Variants in DNAH17 observed in about 807,000 individuals in gnomAD.
The protein encoded by DNAH17 is dynein axonemal heavy chain 17.
DNAH17 carries 376 observed loss-of-function variants against 485.6 expected under a neutral mutation model. The observed-to-expected ratio is 0.77, with a 90% CI of 0.71 to 0.84. DNAH17 has a LOEUF of 0.84. Among genes scored for constraint, DNAH17 ranks in the 40% least tolerant of loss-of-function variants. DNAH17 has a pLI of 0.00. For synonymous variants in DNAH17, 3,031 were observed against 2,405.9 expected (o/e 1.26, Z -7.60); for missense variants, 6,370 against 5,839.3 (o/e 1.09, Z -2.96).
chr17:78,436,410 A>G (rs925243904), intron 74 of DNAH17, among the ~76,000 whole-genome samples: 2 of 152,114 alleles, frequency 1.3e-5, no homozygotes, highest in East Asian at 1.9e-4. Context: ...CCTGGGCAAT[A>G]AGAGCGAAAC....
At chr17:78,467,191 A>G (rs1170211844) in intron 55 of DNAH17, among the ~76,000 whole-genome samples, 1 of 152,218 alleles carries the variant, frequency 6.6e-6, no homozygotes, top group African/African-American at 2.4e-5. Context: ...CCTGAGGGAT[A>G]GTGGCTAATT....
intron 51 of DNAH17, among the ~76,000 whole-genome samples, chr17:78,478,563 T>C (rs959137651): frequency 3.3e-5 from 5 of 150,056 alleles, no homozygotes. Context: ...ATCACCATCA[T>C]CATGACCATC....
chr17:78,491,531 G>A lies in DNAH17; in HGVS notation c.6581C>T (p.Thr2194Ile), dbSNP rs2089855925. The A allele has an allele frequency of 6.2e-7, 1 of 1,613,914 alleles. No individual in the cohort carries two copies. Among genetic ancestry groups the A allele is most frequent in the African/African-American group, 1.3e-5 (1 of 74,930 alleles). Residue 2194 changes from threonine (T) to isoleucine (I), a missense_variant, in exon 43 of 81, where the codon ACC becomes ATC. By Grantham distance (89) the Thr-to-Ile change is moderately conservative. Coordinates refer to ENST00000389840, the MANE Select transcript of DNAH17 (RefSeq NM_173628.4). ...GATGATCCACTTGGGGCCGTCATGG[G>A]TGATGTTGGCCAGGTCTCGCATGAT... is the stretch of plus-strand genomic sequence containing the variant. ...STIMRDLANITHDGPKWIILD... is the reference protein window; with the variant it reads ...STIMRDLANIIHDGPKWIILD...
At chr17:78,464,126 A>C (rs552786244) in intron 56 of DNAH17, among the ~76,000 whole-genome samples, 83 of 152,336 alleles carry the variant, frequency 5.4e-4, no homozygotes, top group African/African-American at 2.0e-3. Context: ...AAGAAACAAG[A>C]GATGGTAATA....
At chr17:78,494,451 G>C (rs1322176600) in intron 40 of DNAH17, 142 bp downstream of exon 40, 2 of 1,027,450 alleles carry the variant, frequency 1.9e-6, no homozygotes, top group African/African-American at 3.2e-5. Flanking sequence ...GGGCCACGGA[G>C]GCAGCTGTGG....
intron 25 of DNAH17, among the ~76,000 whole-genome samples, chr17:78,523,283 C>T (rs2090980273): frequency 6.6e-6 from 1 of 151,744 alleles, no homozygotes; most frequent in Non-Finnish European, 1.5e-5. Flanking sequence ...GCCACCATGC[C>T]CAACTAATTT....
chr17:78,531,009 C>A (rs556925307), intron 20 of DNAH17, among the ~76,000 whole-genome samples: 1 of 152,320 alleles, frequency 6.6e-6, no homozygotes, highest in Non-Finnish European at 1.5e-5. Context: ...TTATTTTATG[C>A]ATTCTTTCTG....
chr17:78,506,216 C>T lies in DNAH17; in HGVS notation c.4803+504G>A, dbSNP rs549346639. ...AGTGCAGTGGTGCGATCTTGGCTCA[C>T]GGCAACCCTCTGCCTCTCGGGTTCA... On this transcript the variant is annotated intron_variant, in intron 30 of 80. Transcript: ENST00000389840. Among the ~76,000 whole-genome samples, 213 of 146,664 alleles carry T rather than the reference C, an allele frequency of 1.5e-3. 1 individual carries two copies. The highest frequency in any genetic ancestry group is 5.0e-3 in the African/African-American group (199 of 39,618).
intron 41 of DNAH17, among the ~76,000 whole-genome samples, chr17:78,493,629 T>A (rs917828215): frequency 2.6e-5 from 4 of 152,218 alleles, no homozygotes; most frequent in African/African-American, 4.8e-5. Context: ...GGCCGGACAC[T>A]TGGCTGGCAT....
At chr17:78,469,709 T>C (rs1399132183) in intron 54 of DNAH17, among the ~76,000 whole-genome samples, 1 of 152,160 alleles carries the variant, frequency 6.6e-6, no homozygotes, top group Non-Finnish European at 1.5e-5. Context: ...TAAAACGTGG[T>C]CCATCTGTGC....
At chr17:78,463,322 A>G (rs1398510844) in intron 56 of DNAH17, among the ~76,000 whole-genome samples, 1 of 152,252 alleles carries the variant, frequency 6.6e-6, no homozygotes, top group Non-Finnish European at 1.5e-5. Flanking sequence ...TATCTCTGAC[A>G]CACAGACGCA....
In DNAH17 at chr17:78,424,071, G is replaced by C. The variant is rs1394006521; in HGVS notation, c.13224C>G (p.Ile4408Met). Residue 4408 changes from isoleucine (I) to methionine (M), a missense_variant, in exon 81 of 81, where the codon ATC becomes ATG. Physicochemically the swap from Ile to Met is conservative, Grantham distance 10. Coordinates refer to ENST00000389840, the MANE Select transcript of DNAH17 (RefSeq NM_173628.4). ...CCATGCGGTCCACAGGAATGGCCTT[G>C]ATGAAGATGACAGGCATGGCCGGGG... ...ELTPAMPVIFIKAIPVDRMET... is the reference protein window; with the variant it reads ...ELTPAMPVIFMKAIPVDRMET... 1.5e-5 allele frequency: 25 copies of C among 1,613,910 alleles called. No individual in the cohort carries two copies. Among genetic ancestry groups the C allele is most frequent in the Non-Finnish European group, 2.0e-5 (24 of 1,179,894 alleles).
At position 78,571,663 on chromosome 17, in the gene DNAH17, A is replaced by G; in HGVS notation, c.659T>C (p.Leu220Pro). ...KDSAQALLDGLHPLPQVEFEF... is the reference protein window; with the variant it reads ...KDSAQALLDGPHPLPQVEFEF... Reference sequence around the variant, plus strand: ...GAACTCCACTTGGGGCAGGGGGTGCAGCCCATCCAGCAGCGCCTGGGCTGA... The same window carrying G: ...GAACTCCACTTGGGGCAGGGGGTGCGGCCCATCCAGCAGCGCCTGGGCTGA... Residue 220 changes from leucine (L) to proline (P), a missense_variant, in exon 4 of 81, where the codon CTG (leucine) becomes CCG (proline). Transcript: ENST00000389840. 6.2e-7 allele frequency: 1 copy of G among 1,614,046 alleles called. No homozygotes were observed. Among genetic ancestry groups the G allele is most frequent in the South Asian group, 1.1e-5 (1 of 91,090 alleles).
chr17:78,527,599 C>T (rs1179232758), intron 22 of DNAH17, among the ~76,000 whole-genome samples: 1 of 152,030 alleles, frequency 6.6e-6, no homozygotes, highest in Non-Finnish European at 1.5e-5. Context: ...ATGGATTGTC[C>T]ATTACAACAG....
chr17:78,490,739 C>T lies in DNAH17; in HGVS notation c.6778G>A (p.Gly2260Ser), dbSNP rs749863384. The T allele has an allele frequency of 5.6e-6, 9 of 1,607,194 alleles. No homozygotes were observed. The highest frequency in any genetic ancestry group is 7.6e-6 in the Non-Finnish European group (9 of 1,177,006). ...TCGGCTGGGTTGATGTAGAGGATGC[C>T]GGCTCTGGAAACGGTGGCTGGGGTG... ...TATPATVSRAGILYINPADLG... is the reference protein window; with the variant it reads ...TATPATVSRASILYINPADLG... Residue 2260 changes from glycine to serine, a missense_variant, in exon 44 of 81, where the codon GGC becomes AGC. By Grantham distance (56) the Gly-to-Ser change is moderately conservative. Transcript: ENST00000389840.
At chr17:78,542,122 C>CG (rs2091609738) in intron 17 of DNAH17, among the ~76,000 whole-genome samples, 1 of 149,846 alleles carries the variant, frequency 6.7e-6, no homozygotes, top group Admixed American at 6.7e-5. Flanking sequence ...AAACCGCCCC[C>CG]CCCAAAAACT....
chr17:78,485,370 G>A (rs1020498454), intron 47 of DNAH17, among the ~76,000 whole-genome samples, 180 bp downstream of exon 47: 16 of 152,114 alleles, frequency 1.1e-4, no homozygotes, highest in African/African-American at 2.9e-4. Context: ...AGAAAGAGGG[G>A]TCCCGGCTGC....
rs374484055 is a variant in DNAH17, at chr17:78,491,476, G to T, written c.6636C>A (p.Ile2212=). The T allele has an allele frequency of 1.2e-6, 2 of 1,613,190 alleles. No individual in the cohort carries two copies. Among genetic ancestry groups the T allele is most frequent in the East Asian group, 2.2e-5 (1 of 44,856 alleles). ...ILDGDIDPMW[I]ESLNTVMDDN... is the part of the protein sequence containing the mutation. ...CATCCATGACTGTGTTGAGAGACTCGATCCACATGGGGTCTATGTCTCCGT... is the reference window on the plus strand; with the variant it reads ...CATCCATGACTGTGTTGAGAGACTCTATCCACATGGGGTCTATGTCTCCGT... The change falls in exon 43 of 81, where the codon ATC becomes ATA. Residue 2212 remains isoleucine, a synonymous_variant. Coordinates refer to ENST00000389840, the MANE Select transcript of DNAH17 (RefSeq NM_173628.4).
intron 75 of DNAH17, among the ~76,000 whole-genome samples, chr17:78,433,544 C>G (rs2086753573): frequency 1.3e-5 from 2 of 152,210 alleles, no homozygotes; most frequent in African/African-American, 4.8e-5. Context: ...GCACTCCCTT[C>G]TATCCGGGGA....
Sources: gnomAD v4.1 joint callset for allele counts (sites outside exome capture counted in the v4.1 genomes callset) on GRCh38, gnomAD v4.1.1 for gene constraint, MANE v1.5 for transcripts, NCBI Gene and HGNC (gene_info 2026-07-23, HGNC 2026-07-21) for gene names.